IKZF1: variants seen among roughly 807,000 people sequenced by gnomAD.
IKZF1 encodes the protein DNA-binding protein Ikaros.
IKZF1 carries 10 observed loss-of-function variants against 51.7 expected under a neutral mutation model. That is an observed-to-expected ratio of 0.19 (90% confidence interval 0.12 to 0.33). IKZF1 has a LOEUF of 0.33. Ranked by LOEUF, IKZF1 falls within the 10% of genes least tolerant of loss-of-function variation. The probability of loss-of-function intolerance (pLI) is 1.00; values close to 1 mark genes in which losing one functional copy is unlikely to be tolerated. For missense variants in IKZF1, 484 were observed against 707.5 expected (o/e 0.68, Z 3.58); for synonymous variants, 280 against 282.3 (o/e 0.99, Z 0.08).
chr7:50,331,003 T>C (rs982070545), intron 3 of IKZF1, among the ~76,000 whole-genome samples: 3 of 152,148 alleles, frequency 2.0e-5, no homozygotes, highest in Admixed American at 6.5e-5. Context: ...CTTTCCTCTT[T>C]TGAAGGTGGC....
intron 1 of IKZF1, among the ~76,000 whole-genome samples, chr7:50,313,089 A>T (rs1223906470): frequency 6.6e-6 from 1 of 152,256 alleles, no homozygotes. Context: ...CTAGATACAA[A>T]GACTTTGCAC....
chr7:50,356,301 C>T (rs1171493592), intron 3 of IKZF1, among the ~76,000 whole-genome samples: 2 of 152,146 alleles, frequency 1.3e-5, no homozygotes, highest in African/African-American at 2.4e-5. Flanking sequence ...GATCTAGTAC[C>T]CTGTGGGGAC....
At chr7:50,341,290 C>T (rs1158058521) in intron 3 of IKZF1, among the ~76,000 whole-genome samples, 3 of 152,060 alleles carry the variant, frequency 2.0e-5, no homozygotes, top group South Asian at 2.1e-4. Context: ...ATTACACGCC[C>T]GCCACCATGC....
chr7:50,396,302 C>A (rs1042901091), intron 7 of IKZF1, among the ~76,000 whole-genome samples: 1 of 152,078 alleles, frequency 6.6e-6, no homozygotes, highest in Non-Finnish European at 1.5e-5. Context: ...TTTCCTCTGT[C>A]AGTAATTTAA....
chr7:50,376,738 T>C lies in IKZF1; in HGVS notation c.366T>C (p.Cys122=). 1 of 1,613,916 alleles carries C rather than the reference T, an allele frequency of 6.2e-7. No individual in the cohort carries two copies. The highest frequency in any genetic ancestry group is 8.5e-7 in the Non-Finnish European group (1 of 1,179,866). The change falls in exon 4 of 8, where the codon TGT becomes TGC. Residue 122 remains cysteine, a synonymous_variant. Coordinates refer to ENST00000331340, the MANE Select transcript of IKZF1 (RefSeq NM_006060.6). This position sits in a 1 kb window ranked among gnomAD's most constrained non-coding sequence, Gnocchi z 4.5. ...ACGGAAAACTAAAGTGTGATATCTG[T>C]GGGATCATTTGCATCGGGCCCAATG... ...LPNGKLKCDI[C]GIICIGPNVL... is the part of the protein sequence containing the mutation.
intron 3 of IKZF1, among the ~76,000 whole-genome samples, chr7:50,341,145 C>T (rs1234670176): frequency 2.2e-4 from 30 of 133,792 alleles, no homozygotes; most frequent in African/African-American, 5.8e-4. Flanking sequence ...GGTATGGAGT[C>T]TTTTTTTTTT....
rs1810312098 is a variant in IKZF1 at position 50,376,444 on chromosome 7, C to T, written c.161-89C>T. The stretch of plus-strand genomic sequence containing the variant: ...ACTTCTGTTTAGTAGCTCTCCACAC[C>T]TATTTGATTGTCTTTTTGCTGCTGT... On this transcript the variant is annotated intron_variant, in intron 3 of 7. Transcript: ENST00000331340. This position sits in a 1 kb window ranked among gnomAD's most constrained non-coding sequence, Gnocchi z 4.5. 1 of 1,557,724 alleles carries T rather than the reference C, an allele frequency of 6.4e-7. No individual in the cohort carries two copies. Among genetic ancestry groups the T allele is most frequent in the African/African-American group, 1.4e-5 (1 of 72,990 alleles).
chr7:50,379,979 TTAAATA>T (rs1470384137), intron 4 of IKZF1, among the ~76,000 whole-genome samples: 3 of 152,176 alleles, frequency 2.0e-5, no homozygotes, highest in Non-Finnish European at 2.9e-5. Flanking sequence ...CTCATCCCAG[TTAAATA>T]AAAGTAAATA....
rs7782842 is a variant in IKZF1 at position 50,316,805 on chromosome 7, G to A, written c.-14-2243G>A. ...TCAGCCCGCATTCCACTGGAAGGGC[G>A]TTTGCCAGTGGTGTTGGTTGGAAGA... On this transcript the variant is annotated intron_variant, in intron 1 of 7. Coordinates refer to ENST00000331340, the MANE Select transcript of IKZF1 (RefSeq NM_006060.6). Among the ~76,000 whole-genome samples the A allele has an allele frequency of 1.3e-3, 196 of 152,352 alleles. 1 individual carries two copies. The highest frequency in any genetic ancestry group is 3.5e-3 in the Admixed American group (54 of 15,310).
At position 50,376,600 on chromosome 7, in the gene IKZF1, A is replaced by C; in HGVS notation, c.228A>C (p.Glu76Asp). The change falls in exon 4 of 8, where the codon GAA becomes GAC. Residue 76 changes from glutamate to aspartate, a missense_variant. Coordinates refer to ENST00000331340, the MANE Select transcript of IKZF1 (RefSeq NM_006060.6). The surrounding 1 kb of genome is among the most constrained non-coding windows in gnomAD (Gnocchi z 4.5). ...GGCGTGCCTGTGAAATGAATGGGGA[A>C]GAATGTGCGGAGGATTTACGAATGC... is the stretch of plus-strand genomic sequence containing the variant. ...ENGRACEMNG[E>D]ECAEDLRMLD... The C allele has an allele frequency of 6.2e-7, 1 of 1,613,986 alleles. No homozygotes were observed. The highest frequency in any genetic ancestry group is 2.2e-5 in the East Asian group (1 of 44,888).
intron 2 of IKZF1, among the ~76,000 whole-genome samples, chr7:50,323,964 T>C (rs1202914410): frequency 6.6e-6 from 1 of 152,236 alleles, no homozygotes; most frequent in Non-Finnish European, 1.5e-5. Context: ...CATGTTCCCA[T>C]TCGTCTTACA....
At chr7:50,360,980 C>A (rs1359284163) in intron 3 of IKZF1, among the ~76,000 whole-genome samples, 1 of 152,194 alleles carries the variant, frequency 6.6e-6, no homozygotes, top group African/African-American at 2.4e-5. Context: ...ATCATTTTGG[C>A]CCAGTGATCC....
chr7:50,359,140 A>G (rs1284686760), intron 3 of IKZF1, among the ~76,000 whole-genome samples: 1 of 152,148 alleles, frequency 6.6e-6, no homozygotes, highest in Non-Finnish European at 1.5e-5. Flanking sequence ...ATATTCCAAT[A>G]GTTCCAGGCA....
At chr7:50,341,508 C>T (rs1007771414) in intron 3 of IKZF1, among the ~76,000 whole-genome samples, 1 of 152,010 alleles carries the variant, frequency 6.6e-6, no homozygotes, top group African/African-American at 2.4e-5. Flanking sequence ...CCTTATGAGA[C>T]GCAACAACGT....
chr7:50,321,650 T>C (rs1793351442), intron 2 of IKZF1, among the ~76,000 whole-genome samples: 1 of 152,246 alleles, frequency 6.6e-6, no homozygotes, highest in Admixed American at 6.5e-5. Context: ...GTCTACACTC[T>C]GATATTCTAG....
intron 3 of IKZF1, chr7:50,368,727 T>C (rs1180716100): frequency 7.9e-6 from 2 of 253,122 alleles, no homozygotes; most frequent in East Asian, 1.2e-4. Context: ...ATGAGTACTT[T>C]AAAGAACAGA....
chr7:50,384,189 A>C (rs1426560398), intron 5 of IKZF1, among the ~76,000 whole-genome samples: 4 of 152,214 alleles, frequency 2.6e-5, no homozygotes, highest in Non-Finnish European at 5.9e-5. Flanking sequence ...GTGAGTCGGC[A>C]GTAATCCCAG....
At position 50,318,461 on chromosome 7, in the gene IKZF1, G is replaced by A. The variant is rs116780902; in HGVS notation, c.-14-587G>A. ...GCTGAGGCAAGGGCCCAGAAAGATT[G>A]AGGGACAAAGACAGGAGCGCCCGCA... On this transcript the variant is annotated intron_variant, in intron 1 of 7. Coordinates refer to ENST00000331340, the MANE Select transcript of IKZF1 (RefSeq NM_006060.6). 845 of 229,446 alleles carry A rather than the reference G, an allele frequency of 3.7e-3. 10 individuals carry two copies. Among genetic ancestry groups the A allele is most frequent in the African/African-American group, 0.018 (797 of 45,202 alleles). 14.2% of individuals were successfully genotyped at this position (229,446 alleles called of 1,614,324 possible). A position where few individuals can be genotyped will look rare whatever the true frequency, so the allele number is the denominator to read the frequency against.
rs751152030 is a variant in IKZF1, at chr7:50,403,365, G to A, written c.*2738G>A. On this transcript the variant is annotated 3_prime_UTR_variant, in exon 8 of 8. Transcript: ENST00000331340. ...GTAGTTTCTTCTGTTGTATGATGGCGTGAGTGTGTGTCTTGGGTACCGCTG... is the reference window on the plus strand; with the variant it reads ...GTAGTTTCTTCTGTTGTATGATGGCATGAGTGTGTGTCTTGGGTACCGCTG... 7 of 222,674 alleles carry A rather than the reference G, an allele frequency of 3.1e-5. No individual in the cohort carries two copies. Among genetic ancestry groups the A allele is most frequent in the East Asian group, 6.5e-5 (1 of 15,408 alleles). 13.8% of individuals were successfully genotyped at this position (222,674 alleles called of 1,614,324 possible).
Sources: gnomAD v4.1 joint callset for allele counts (sites outside exome capture counted in the v4.1 genomes callset) on GRCh38, gnomAD v4.1.1 for gene constraint, Gnocchi (gnomAD v3.1) non-coding constraint, MANE v1.5 for transcripts, NCBI Gene and HGNC (gene_info 2026-07-23, HGNC 2026-07-21) for gene names.